The following PDE3A variants were observed in gnomAD, a reference collection of about 807,000 sequenced individuals.
PDE3A encodes the protein cGMP-inhibited 3',5'-cyclic phosphodiesterase 3A.
PDE3A carries 43 observed loss-of-function variants against 98.3 expected under a neutral mutation model. The observed-to-expected ratio is 0.44, with a 90% CI of 0.34 to 0.56. The LOEUF (loss-of-function observed/expected upper bound fraction) is 0.56, where lower values mean the gene tolerates loss of function less well. Ranked by LOEUF, PDE3A falls within the 20% of genes least tolerant of loss-of-function variation. PDE3A has a pLI of 0.01. For missense variants in PDE3A, 1,427 were observed against 1,440.7 expected (o/e 0.99, Z 0.15); for synonymous variants, 663 against 567.9 (o/e 1.17, Z -2.38).
intron 1 of PDE3A, among the ~76,000 whole-genome samples, chr12:20,461,664 C>T (rs1945255271): frequency 6.6e-6 from 1 of 152,050 alleles, no homozygotes; most frequent in South Asian, 2.1e-4. Context: ...GGGCCCAACC[C>T]AGTAACTAAA....
At chr12:20,442,561 G>C (rs2046996909) in intron 1 of PDE3A, among the ~76,000 whole-genome samples, 1 of 152,188 alleles carries the variant, frequency 6.6e-6, no homozygotes, top group Non-Finnish European at 1.5e-5. Context: ...AGGAGACAGG[G>C]AAGCACCATC....
intron 1 of PDE3A, among the ~76,000 whole-genome samples, chr12:20,548,300 T>G (rs1942109657): frequency 1.3e-5 from 2 of 152,074 alleles, no homozygotes; most frequent in South Asian, 4.1e-4. Context: ...GACGGAAAGA[T>G]TTTATTTGCC....
intron 1 of PDE3A, among the ~76,000 whole-genome samples, chr12:20,492,257 T>TAA (rs776365167): frequency 5.9e-5 from 9 of 152,126 alleles, no homozygotes; most frequent in Non-Finnish European, 1.2e-4. Flanking sequence ...GTGCTGGGAT[T>TAA]ACAAGTGTGA....
At chr12:20,625,198 C>T (rs770166522) in intron 5 of PDE3A, among the ~76,000 whole-genome samples, 7 of 152,088 alleles carry the variant, frequency 4.6e-5, no homozygotes, top group Admixed American at 2.6e-4. Flanking sequence ...AATAAATGAA[C>T]GAAATCACAT....
intron 2 of PDE3A, among the ~76,000 whole-genome samples, chr12:20,606,861 A>G (rs913563065): frequency 1.3e-5 from 2 of 151,848 alleles, no homozygotes; most frequent in Admixed American, 1.3e-4. Flanking sequence ...CAAAAAAAAA[A>G]AAAAAAAAAT....
chr12:20,640,522 T>A (rs763089318), intron 10 of PDE3A, among the ~76,000 whole-genome samples: 1 of 151,934 alleles, frequency 6.6e-6, no homozygotes, highest in Admixed American at 6.6e-5. Flanking sequence ...CATATGGAAG[T>A]GGTTATGGAA....
intron 2 of PDE3A, among the ~76,000 whole-genome samples, chr12:20,590,946 C>T (rs1162552741): frequency 6.6e-6 from 1 of 152,188 alleles, no homozygotes; most frequent in African/African-American, 2.4e-5. Flanking sequence ...TCCTAGCTCC[C>T]TGTCCACTTC....
intron 15 of PDE3A, among the ~76,000 whole-genome samples, chr12:20,658,057 A>G (rs909948519): frequency 2.0e-5 from 3 of 152,244 alleles, no homozygotes; most frequent in Non-Finnish European, 4.4e-5. Context: ...TCTCAACAGA[A>G]TTTGATTTAT....
At chr12:20,450,323 G>A (rs1317532452) in intron 1 of PDE3A, among the ~76,000 whole-genome samples, 1 of 152,158 alleles carries the variant, frequency 6.6e-6, no homozygotes, top group Admixed American at 6.6e-5. Context: ...GGGCCAATAG[G>A]TCACAGATGT....
intron 1 of PDE3A, among the ~76,000 whole-genome samples, chr12:20,508,479 A>G (rs1293513670): frequency 2.0e-5 from 3 of 151,900 alleles, no homozygotes; most frequent in Non-Finnish European, 4.4e-5. Flanking sequence ...CTGGTACATA[A>G]TAGTTGCTCA....
intron 1 of PDE3A, among the ~76,000 whole-genome samples, chr12:20,426,149 A>C (rs11045237): frequency 0.21 from 31,870 of 152,104 alleles, 3,481 homozygotes; most frequent in Non-Finnish European, 0.22. Flanking sequence ...AATGGCAACT[A>C]GAAGAGATTT....
At chr12:20,657,774 G>A (rs1459982419) in intron 15 of PDE3A, among the ~76,000 whole-genome samples, 2 of 152,132 alleles carry the variant, frequency 1.3e-5, no homozygotes, top group African/African-American at 2.4e-5. Context: ...ATTCCAGAGA[G>A]GTTTATTGCT....
intron 1 of PDE3A, among the ~76,000 whole-genome samples, chr12:20,377,122 G>A (rs2120522665): frequency 6.6e-6 from 1 of 151,876 alleles, no homozygotes; most frequent in South Asian, 2.1e-4. Context: ...TTGTGTGTGT[G>A]CATGTGTGAT....
At chr12:20,601,081 G>A (rs534008894) in intron 2 of PDE3A, among the ~76,000 whole-genome samples, 1 of 152,266 alleles carries the variant, frequency 6.6e-6, no homozygotes, top group East Asian at 1.9e-4. Context: ...ACAACTTTGA[G>A]CCTGAAGGAG....
chr12:20,530,301 A>G (rs1946600849), intron 1 of PDE3A, among the ~76,000 whole-genome samples: 1 of 152,216 alleles, frequency 6.6e-6, no homozygotes, highest in South Asian at 2.1e-4. Context: ...ATAGTAGTCA[A>G]TGAATTAGTC....
At chr12:20,634,308 G>T (rs946235965) in intron 7 of PDE3A, among the ~76,000 whole-genome samples, 3 of 152,166 alleles carry the variant, frequency 2.0e-5, no homozygotes, top group Admixed American at 1.3e-4. Flanking sequence ...TGTCACAGTT[G>T]CTCAGAGAGG....
Position 20,497,146 on chromosome 12 carries a change from G to A in PDE3A, c.961-59514G>A, listed in dbSNP as rs555182355. On this transcript the variant is annotated intron_variant, in intron 1 of 15. Coordinates refer to ENST00000359062, the MANE Select transcript of PDE3A (RefSeq NM_000921.5). ...AAACTGTAAGTAGTTGTGCTCTAAA[G>A]AGGATGCAATTATTTAGGAAACATT... is the stretch of plus-strand genomic sequence containing the variant. Among the ~76,000 whole-genome samples, 5 of 152,228 alleles carry A rather than the reference G, an allele frequency of 3.3e-5. 1 individual carries two copies. The highest frequency in any genetic ancestry group is 7.2e-5 in the African/African-American group (3 of 41,550).
chr12:20,639,756 G>A (rs965536427), intron 9 of PDE3A, 90 bp from the exon 10 acceptor site: 22 of 631,494 alleles, frequency 3.5e-5, no homozygotes, highest in African/African-American at 1.5e-4. Flanking sequence ...AATGTTTTCC[G>A]TTACCGATAT....
intron 12 of PDE3A, among the ~76,000 whole-genome samples, 180 bp from the exon 13 acceptor site, chr12:20,648,508 T>C (rs1944828650): frequency 6.6e-6 from 1 of 152,134 alleles, no homozygotes; most frequent in East Asian, 1.9e-4. Context: ...AGTGGAAATT[T>C]AACCAAGAAA....
Sources: allele counts gnomAD v4.1 joint callset (sites outside exome capture counted in the v4.1 genomes callset), GRCh38; gene constraint gnomAD v4.1.1; transcripts MANE v1.5; gene names NCBI Gene and HGNC (gene_info 2026-07-23, HGNC 2026-07-21).